Variants in TMEM26 observed in about 807,000 individuals in gnomAD.
TMEM26 encodes the protein transmembrane protein 26.
TMEM26 carries 38 observed loss-of-function variants against 28.8 expected under a neutral mutation model. The observed-to-expected ratio is 1.32, with a 90% confidence interval of 1.02 to 1.73. The LOEUF is 1.73. TMEM26 is among the 40% of genes most tolerant of loss of function. The probability of loss-of-function intolerance (pLI) is 0.00; values close to 1 mark genes in which losing one functional copy is unlikely to be tolerated. For missense variants in TMEM26, 518 were observed against 447.1 expected, an observed-to-expected ratio of 1.16 and a Z score of -1.43; for synonymous variants, 227 against 182.9, an observed-to-expected ratio of 1.24 and a Z score of -1.95.
chr10:61,438,970 G>T (rs1160983545), intron 1 of TMEM26, among the ~76,000 whole-genome samples: 2 of 152,134 alleles, frequency 1.3e-5, no homozygotes, highest in Non-Finnish European at 2.9e-5. Flanking sequence ...GAGGGCCCAA[G>T]AATTAATTAT....
At chr10:61,443,245 G>A (rs888857313) in intron 1 of TMEM26, among the ~76,000 whole-genome samples, 1 of 149,768 alleles carries the variant, frequency 6.7e-6, no homozygotes, top group Non-Finnish European at 1.5e-5. Context: ...AAGGTCAGGA[G>A]ATCGAGACCA....
Position 61,452,988 on chromosome 10 carries a change from T to C in TMEM26, c.94A>G (p.Lys32Glu). 6.2e-7 allele frequency: 1 copy of C among 1,613,950 alleles called. No homozygotes were observed. Reference sequence around the variant, plus strand: ...GCAAGCAGCCAGTACCGCGGCTCCTTCTTCACCTCGGTCACTCGCCAGACC... The same window carrying C: ...GCAAGCAGCCAGTACCGCGGCTCCTCCTTCACCTCGGTCACTCGCCAGACC... ...VGVWRVTEVK[K>E]EPRYWLLALL... The change falls in exon 1 of 6, where the codon AAG becomes GAG. Residue 32 changes from lysine to glutamate, a missense_variant. Lys to Glu is a moderately conservative substitution (Grantham distance 56). Coordinates refer to ENST00000399298, the MANE Select transcript of TMEM26 (RefSeq NM_178505.8).
rs1167072827 is a variant in TMEM26, at chr10:61,406,980, T to A, written c.*3342A>T. On this transcript the variant is annotated 3_prime_UTR_variant, in exon 6 of 6. Transcript: ENST00000399298. ...AGTCTGAAATTAGAAAAAAAAAAAA[T>A]CCCCTTTTTTTCTTGTAATTCAAGA... is the stretch of plus-strand genomic sequence containing the variant. 2 of 150,996 alleles carry A rather than the reference T, an allele frequency of 1.3e-5. No homozygotes were observed. Among genetic ancestry groups the A allele is most frequent in the Non-Finnish European group, 3.0e-5 (2 of 67,686 alleles). 9.4% of individuals were successfully genotyped at this position (150,996 alleles called of 1,614,324 possible).
chr10:61,450,823 T>C (rs1443900798), intron 1 of TMEM26, among the ~76,000 whole-genome samples: 1 of 152,166 alleles, frequency 6.6e-6, no homozygotes, highest in African/African-American at 2.4e-5. Context: ...GTCACTCAAG[T>C]AAATTTGTCT....
intron 1 of TMEM26, among the ~76,000 whole-genome samples, chr10:61,440,809 T>C (rs1840080054): frequency 6.6e-6 from 1 of 152,208 alleles, no homozygotes; most frequent in Non-Finnish European, 1.5e-5. Context: ...ACCAGAACTG[T>C]GCCTGTCTGC....
At position 61,413,850 on chromosome 10, in the gene TMEM26, A is replaced by G. The variant is rs1198115596; in HGVS notation, c.606-315T>C. 6 of 1,015,724 alleles carry G rather than the reference A, an allele frequency of 5.9e-6. No homozygotes were observed. The African/African-American group carries it at 8.6e-5, about 15-fold the overall frequency. 62.9% of individuals were successfully genotyped at this position (1,015,724 alleles called of 1,614,324 possible). On this transcript the variant is annotated intron_variant, in intron 4 of 5. Transcript: ENST00000399298. ...AGAAAAATGATAGGGGAGAAAATAT[A>G]GATATTAACATGGATATTCAAATGG...
intron 1 of TMEM26, among the ~76,000 whole-genome samples, chr10:61,451,986 G>GATATATATATATATATATATAT (rs10555555): frequency 1.3e-5 from 2 of 148,704 alleles, no homozygotes; most frequent in African/African-American, 4.9e-5. Context: ...TTAATGTATT[G>GATATATATATATATATATATAT]ATATATATAT....
chr10:61,435,650 A>G (rs769360797), intron 2 of TMEM26, among the ~76,000 whole-genome samples: 7 of 152,228 alleles, frequency 4.6e-5, no homozygotes, highest in Non-Finnish European at 7.3e-5. Flanking sequence ...AATCTCCTGT[A>G]ATCTGCATAA....
At chr10:61,447,638 A>C (rs1445858355) in intron 1 of TMEM26, among the ~76,000 whole-genome samples, 1 of 152,218 alleles carries the variant, frequency 6.6e-6, no homozygotes, top group Non-Finnish European at 1.5e-5. Flanking sequence ...GTCTAGGGAT[A>C]CTGGAATAAT....
chr10:61,436,034 G>T, intron 2 of TMEM26, 136 bp downstream of exon 2: 3 of 434,654 alleles, frequency 6.9e-6, no homozygotes, highest in East Asian at 3.5e-5. Flanking sequence ...ACTTCCTTTT[G>T]CTGATAGCCT....
intron 1 of TMEM26, among the ~76,000 whole-genome samples, chr10:61,439,649 G>A (rs770251821): frequency 1.3e-5 from 2 of 152,140 alleles, no homozygotes; most frequent in Admixed American, 6.5e-5. Context: ...CTGATCTTTG[G>A]AAATTCACAA....
intron 4 of TMEM26, among the ~76,000 whole-genome samples, chr10:61,419,538 T>A (rs1314033552): frequency 6.6e-6 from 1 of 152,026 alleles, no homozygotes; most frequent in Non-Finnish European, 1.5e-5. Context: ...AGTGAAAAAT[T>A]CAATAGATGA....
intron 1 of TMEM26, among the ~76,000 whole-genome samples, chr10:61,443,330 C>T (rs562839676): frequency 1.9e-3 from 282 of 150,016 alleles, no homozygotes; most frequent in Non-Finnish European, 2.9e-3. Flanking sequence ...CCGGTTGTGG[C>T]GGCGTGCGCC....
rs781608007 is a variant in TMEM26, at chr10:61,436,232, A to G, written c.208T>C (p.Phe70Leu). Reference protein sequence around the residue: ...RGYKWFSPAIFLYLISIVPSL... With the variant: ...RGYKWFSPAILLYLISIVPSL... Reference sequence around the variant, plus strand: ...GGAACGATGCTAATCAGATATAAAAATATGGCTGGTGAAAACCTGTGAAAA... The same window carrying G: ...GGAACGATGCTAATCAGATATAAAAGTATGGCTGGTGAAAACCTGTGAAAA... Residue 70 changes from phenylalanine (F) to leucine (L), a missense_variant, in exon 2 of 6, where the codon TTT (phenylalanine) becomes CTT (leucine). Transcript: ENST00000399298. 2 of 1,604,912 alleles carry G rather than the reference A, an allele frequency of 1.2e-6. No homozygotes were observed. Among genetic ancestry groups the G allele is most frequent in the South Asian group, 2.3e-5 (2 of 88,528 alleles).
chr10:61,421,059 G>A (rs982834858), intron 4 of TMEM26, among the ~76,000 whole-genome samples: 49 of 151,936 alleles, frequency 3.2e-4, no homozygotes, highest in Middle Eastern at 3.4e-3. Flanking sequence ...TATCAGTAAC[G>A]GAGCAAGTGG....
At chr10:61,433,734 A>T (rs1487227816) in intron 2 of TMEM26, among the ~76,000 whole-genome samples, 1 of 152,140 alleles carries the variant, frequency 6.6e-6, no homozygotes, top group Non-Finnish European at 1.5e-5. Context: ...GGAAAATGTG[A>T]AAGAAAATTA....
At chr10:61,443,860 T>C (rs1438701833) in intron 1 of TMEM26, among the ~76,000 whole-genome samples, 1 of 152,232 alleles carries the variant, frequency 6.6e-6, no homozygotes, top group Non-Finnish European at 1.5e-5. Flanking sequence ...TCCAGCAATA[T>C]GTTTCACTAT....
chr10:61,434,780 G>T (rs949045031), intron 2 of TMEM26, among the ~76,000 whole-genome samples: 7 of 152,166 alleles, frequency 4.6e-5, no homozygotes, highest in African/African-American at 1.7e-4. Context: ...ATTCCCCTTT[G>T]TGTGCCTATA....
At chr10:61,414,140 C>A (rs888242954) in intron 4 of TMEM26, 11 of 748,654 alleles carry the variant, frequency 1.5e-5, no homozygotes, top group Non-Finnish European at 1.5e-5. Flanking sequence ...TTGATGGATA[C>A]AACATATATT....
Sources: gnomAD v4.1 joint callset for allele counts (sites outside exome capture counted in the v4.1 genomes callset) on GRCh38, gnomAD v4.1.1 for gene constraint, MANE v1.5 for transcripts, NCBI Gene and HGNC (gene_info 2026-07-23, HGNC 2026-07-21) for gene names.